The following MCOLN1 variants were observed in gnomAD, a reference collection of about 807,000 sequenced individuals.
The protein encoded by MCOLN1 is mucolipin TRP cation channel 1.
MCOLN1 carries 50 observed loss-of-function variants against 70.3 expected under a neutral mutation model. The ratio of observed to expected loss-of-function variants is 0.71; its 90% CI spans 0.57 to 0.90. MCOLN1 has a LOEUF of 0.90. MCOLN1 is among the 40% of genes least tolerant of loss of function. The pLI is 0.00. For missense variants in MCOLN1, 598 were observed against 803.5 expected (o/e 0.74, Z 3.09); for synonymous variants, 366 against 341.0 (o/e 1.07, Z -0.81).
In MCOLN1 at chr19:7,528,717, G is replaced by A. The variant is rs370661580; in HGVS notation, c.984+14G>A. On this transcript the variant is annotated intron_variant, in intron 8 of 13. Transcript: ENST00000264079. This position sits in a 1 kb window ranked among gnomAD's most constrained non-coding sequence, Gnocchi z 4.2. ...CTGCTGCAGAACGTGAGGCTTCTGC[G>A]TCATGTGTGCTGGTGTCCTCCCCGC... The A allele has an allele frequency of 9.8e-5, 158 of 1,614,188 alleles. 1 individual carries two copies. Among genetic ancestry groups the A allele is most frequent in the South Asian group, 9.6e-4 (87 of 91,084 alleles).
In MCOLN1 at chr19:7,528,285, T is replaced by G. The variant is rs1222179644; in HGVS notation, c.877+28T>G. On this transcript the variant is annotated intron_variant, in intron 7 of 13. Coordinates refer to ENST00000264079, the MANE Select transcript of MCOLN1 (RefSeq NM_020533.3). This position sits in a 1 kb window ranked among gnomAD's most constrained non-coding sequence, Gnocchi z 4.2. The stretch of plus-strand genomic sequence containing the variant: ...GAGCCCCTGAGCCCCAGACCAGCAC[T>G]GACCAGGGGCCCTGGCCTGTCCTGG... The G allele has an allele frequency of 1.6e-5, 25 of 1,595,388 alleles. No homozygotes were observed. Among genetic ancestry groups the G allele is most frequent in the Non-Finnish European group, 2.0e-5 (23 of 1,163,238 alleles).
At position 7,528,975 on chromosome 19, in the gene MCOLN1, G is replaced by T; in HGVS notation, c.1134+5G>T. 3.7e-6 allele frequency: 6 copies of T among 1,614,058 alleles called. No homozygotes were observed. The highest frequency in any genetic ancestry group is 5.1e-6 in the Non-Finnish European group (6 of 1,180,010). ...AAGATCGGCATCGAGGCCAAGGTGC[G>T]TCCTGCCAACACCCTGGGCCCCAGG... On this transcript the variant is annotated splice_donor_5th_base_variant and intron_variant, in intron 9 of 13. Coordinates refer to ENST00000264079, the MANE Select transcript of MCOLN1 (RefSeq NM_020533.3). The surrounding 1 kb of genome is among the most constrained non-coding windows in gnomAD (Gnocchi z 4.2).
At position 7,533,895 on chromosome 19, in the gene MCOLN1, C is replaced by G; in HGVS notation, c.*100C>G. The G allele has an allele frequency of 6.9e-7, 1 of 1,442,216 alleles. No individual in the cohort carries two copies. Among genetic ancestry groups the G allele is most frequent in the Middle Eastern group, 2.0e-4 (1 of 5,100 alleles). 89.3% of individuals were successfully genotyped at this position (1,442,216 alleles called of 1,614,324 possible). ...TAGGGTTTGCTTTTAAGGATCGGCT[C>G]CCTGTCGCGCCCGAGGAGGGCCTGG... On this transcript the variant is annotated 3_prime_UTR_variant, in exon 14 of 14. Coordinates refer to ENST00000264079, the MANE Select transcript of MCOLN1 (RefSeq NM_020533.3).
At position 7,530,334 on chromosome 19, in the gene MCOLN1, G is replaced by A. The variant is rs1326395593; in HGVS notation, c.1408G>A (p.Gly470Arg). Residue 470 changes from glycine (G) to arginine (R), a missense_variant, in exon 12 of 14, where the codon GGG becomes AGG. By Grantham distance (125) the Gly-to-Arg change is moderately radical. Transcript: ENST00000264079. ...VSECLFSLIN[G>R]DDMFVTFAAM... ...TGAGTGCCTGTTCTCGCTCATCAAT[G>A]GGGACGACATGTTTGTGACGTTCGC... 6.2e-7 allele frequency: 1 copy of A among 1,613,772 alleles called. No homozygotes were observed. Among genetic ancestry groups the A allele is most frequent in the South Asian group, 1.1e-5 (1 of 91,082 alleles).
rs764687846 is a variant in MCOLN1, at chr19:7,527,647, AG to A, written c.680+25del. On this transcript the variant is annotated intron_variant, in intron 5 of 13. Coordinates refer to ENST00000264079, the MANE Select transcript of MCOLN1 (RefSeq NM_020533.3). ...TCCACAAGTACTGCCTGCTCACTCG[AG>A]GGGGGCCCAGGGTGGGGGAGGCAGC... 2 of 1,534,910 alleles carry A rather than the reference AG, an allele frequency of 1.3e-6. No individual in the cohort carries two copies. The highest frequency in any genetic ancestry group is 1.8e-6 in the Non-Finnish European group (2 of 1,107,788).
chr19:7,533,826 C>T lies in MCOLN1; in HGVS notation c.*31C>T, dbSNP rs749860377. 3 of 1,613,812 alleles carry T rather than the reference C, an allele frequency of 1.9e-6. No individual in the cohort carries two copies. The highest frequency in any genetic ancestry group is 2.5e-6 in the Non-Finnish European group (3 of 1,179,742). On this transcript the variant is annotated 3_prime_UTR_variant, in exon 14 of 14. Transcript: ENST00000264079. Reference sequence around the variant, plus strand: ...CCTGACTGCCGTTGGACCGTAGGCCCTGGACTGCAGAGACCCCCGCCCCCG... The same window carrying T: ...CCTGACTGCCGTTGGACCGTAGGCCTTGGACTGCAGAGACCCCCGCCCCCG...
In MCOLN1 at chr19:7,528,876, G is replaced by T. The variant is rs549648443; in HGVS notation, c.1040G>T (p.Arg347Leu). Residue 347 changes from arginine (R) to leucine (L), a missense_variant, in exon 9 of 14, where the codon CGG becomes CTG. Around this residue, in one of 3 missense-constraint regions of MCOLN1, gnomAD observed 461 missense variants for 588.4 expected, o/e 0.78. Transcript: ENST00000264079. This position sits in a 1 kb window ranked among gnomAD's most constrained non-coding sequence, Gnocchi z 4.2. Reference sequence around the variant, plus strand: ...GGACGGGTCATCAGCCTGTGGGAGCGGCTGGAATTTGTCAATGGCTGGTAC... The same window carrying T: ...GGACGGGTCATCAGCCTGTGGGAGCTGCTGGAATTTGTCAATGGCTGGTAC... ...QRGRVISLWE[R>L]LEFVNGWYIL... 1 of 1,614,180 alleles carries T rather than the reference G, an allele frequency of 6.2e-7. No individual in the cohort carries two copies. Among genetic ancestry groups the T allele is most frequent in the East Asian group, 2.2e-5 (1 of 44,884 alleles).
chr19:7,522,653 G>C lies in MCOLN1; in HGVS notation c.-98G>C. The C allele has an allele frequency of 7.6e-7, 1 of 1,311,092 alleles. No individual in the cohort carries two copies. The allele number at this position is 1,311,092 out of a possible 1,614,324, so 81.2% of individuals were successfully genotyped here. Reference sequence around the variant, plus strand: ...ATCAGCTGATGCCGGAGGGTTTGAAGCCGCGCCGCGAGGGAGCGAGGTCGC... The same window carrying C: ...ATCAGCTGATGCCGGAGGGTTTGAACCCGCGCCGCGAGGGAGCGAGGTCGC... On this transcript the variant is annotated 5_prime_UTR_variant, in exon 1 of 14. Transcript: ENST00000264079.
rs1039669382 is a variant in MCOLN1 at position 7,526,311 on chromosome 19, C to G, written c.238-128C>G. ...AATCCGTGTTTGTGGCCCAAGTTAG[C>G]AGGGCCCTGCCCCACCCCAGTGGAC... On this transcript the variant is annotated intron_variant, in intron 2 of 13. Coordinates refer to ENST00000264079, the MANE Select transcript of MCOLN1 (RefSeq NM_020533.3). This position sits in a 1 kb window ranked among gnomAD's most constrained non-coding sequence, Gnocchi z 4.6. The G allele has an allele frequency of 1.4e-5, 15 of 1,078,212 alleles. No individual in the cohort carries two copies. The highest frequency in any genetic ancestry group is 1.1e-4 in the Admixed American group (6 of 56,664). The allele number at this position is 1,078,212 out of a possible 1,614,324, so 66.8% of individuals were successfully genotyped here.
At chr19:7,529,948 C>T (rs575189515) in intron 11 of MCOLN1, among the ~76,000 whole-genome samples, 1 of 152,360 alleles carries the variant, frequency 6.6e-6, no homozygotes, top group Non-Finnish European at 1.5e-5. Context: ...GGCCCTGTGG[C>T]CCTGTCATTG....
Position 7,524,915 on chromosome 19 carries a change from G to A in MCOLN1, c.32-46G>A. 6.6e-7 allele frequency: 1 copy of A among 1,504,818 alleles called. No homozygotes were observed. Among genetic ancestry groups the A allele is most frequent in the Non-Finnish European group, 9.2e-7 (1 of 1,083,346 alleles). The allele number at this position is 1,504,818 out of a possible 1,614,324, so 93.2% of individuals were successfully genotyped here. On this transcript the variant is annotated intron_variant, in intron 1 of 13. Transcript: ENST00000264079. This position sits in a 1 kb window ranked among gnomAD's most constrained non-coding sequence, Gnocchi z 4.1. The stretch of plus-strand genomic sequence containing the variant: ...TTCCTGGTTGGAGAAAGGGGAAAAG[G>A]GGAGTTGCCCAGGCCTCACCCCAGT...
chr19:7,530,723 C>T (rs1447621079), intron 12 of MCOLN1, among the ~76,000 whole-genome samples: 1 of 152,182 alleles, frequency 6.6e-6, no homozygotes, highest in Non-Finnish European at 1.5e-5. Context: ...GCCAACAGGG[C>T]AACCGAGTCA....
In MCOLN1 at chr19:7,526,355, G is replaced by A; in HGVS notation, c.238-84G>A. The A allele has an allele frequency of 6.5e-7, 1 of 1,547,360 alleles. No individual in the cohort carries two copies. Among genetic ancestry groups the A allele is most frequent in the Non-Finnish European group, 8.9e-7 (1 of 1,119,744 alleles). On this transcript the variant is annotated intron_variant, in intron 2 of 13. Transcript: ENST00000264079. The surrounding 1 kb of genome is among the most constrained non-coding windows in gnomAD (Gnocchi z 4.6). ...AGTGGACATCTGCAGGGCCCTCCCT[G>A]TCCTCTTCCAGGGCCTGTGCCCTGA... is the stretch of plus-strand genomic sequence containing the variant.
chr19:7,528,818 C>T lies in MCOLN1; in HGVS notation c.985-3C>T, dbSNP rs557259601. The T allele has an allele frequency of 1.2e-6, 2 of 1,614,208 alleles. No individual in the cohort carries two copies. The highest frequency in any genetic ancestry group is 2.2e-5 in the South Asian group (2 of 91,090). The stretch of plus-strand genomic sequence containing the variant: ...AGGCCCTCACCCCGCCTGCCTTCTG[C>T]AGGAGTTTGTGGGGTTCATGTGGCG... On this transcript the variant is annotated splice_region_variant and splice_polypyrimidine_tract_variant and intron_variant, in intron 8 of 13. Coordinates refer to ENST00000264079, the MANE Select transcript of MCOLN1 (RefSeq NM_020533.3). The surrounding 1 kb of genome is among the most constrained non-coding windows in gnomAD (Gnocchi z 4.2).
intron 12 of MCOLN1, among the ~76,000 whole-genome samples, chr19:7,532,894 C>G (rs1054937731): frequency 3.3e-5 from 5 of 152,134 alleles, no homozygotes; most frequent in Non-Finnish European, 7.4e-5. Flanking sequence ...AGATGGGAGC[C>G]CAGGGGCAGT....
intron 12 of MCOLN1, among the ~76,000 whole-genome samples, chr19:7,530,819 C>T (rs1475794020): frequency 2.0e-5 from 3 of 152,362 alleles, no homozygotes; most frequent in East Asian, 1.9e-4. Context: ...TCTTGACTCA[C>T]TGCAACCTCC....
At chr19:7,529,826 T>C (rs1599255761) in intron 11 of MCOLN1, 114 bp downstream of exon 11, 2 of 1,298,326 alleles carry the variant, frequency 1.5e-6, no homozygotes, top group Non-Finnish European at 2.2e-6. Flanking sequence ...TCCCCTGTGG[T>C]CCTTGGTGAC....
Position 7,524,879 on chromosome 19 carries a change from C to A in MCOLN1, c.32-82C>A. On this transcript the variant is annotated intron_variant, in intron 1 of 13. Transcript: ENST00000264079. This position sits in a 1 kb window ranked among gnomAD's most constrained non-coding sequence, Gnocchi z 4.1. ...GGAGCATGGGGACATGAAGATAGGG[C>A]GTGTGCTGCCTTCCTGGTTGGAGAA... The A allele has an allele frequency of 9.0e-7, 1 of 1,114,238 alleles. No homozygotes were observed. The highest frequency in any genetic ancestry group is 1.4e-6 in the Non-Finnish European group (1 of 738,028). The allele number at this position is 1,114,238 out of a possible 1,614,324, so 69.0% of individuals were successfully genotyped here.
At position 7,528,755 on chromosome 19, in the gene MCOLN1, C is replaced by G; in HGVS notation, c.984+52C>G. On this transcript the variant is annotated intron_variant, in intron 8 of 13. Coordinates refer to ENST00000264079, the MANE Select transcript of MCOLN1 (RefSeq NM_020533.3). The surrounding 1 kb of genome is among the most constrained non-coding windows in gnomAD (Gnocchi z 4.2). Reference sequence around the variant, plus strand: ...GTGTCCTCCCCGCCTGGCCCTGGGGCGATAAAAGCCAGGGCTTTGAGGGTC... The same window carrying G: ...GTGTCCTCCCCGCCTGGCCCTGGGGGGATAAAAGCCAGGGCTTTGAGGGTC... The G allele has an allele frequency of 6.2e-7, 1 of 1,614,144 alleles. No individual in the cohort carries two copies. Among genetic ancestry groups the G allele is most frequent in the Non-Finnish European group, 8.5e-7 (1 of 1,180,000 alleles).
Sources: allele counts gnomAD v4.1 joint callset (sites outside exome capture counted in the v4.1 genomes callset), GRCh38; gene constraint gnomAD v4.1.1; regional missense constraint gnomAD v4.1.1; non-coding constraint Gnocchi (gnomAD v3.1); transcripts MANE v1.5; gene names NCBI Gene and HGNC (gene_info 2026-07-23, HGNC 2026-07-21).